The following EPB41L4B variants were observed in gnomAD, a reference collection of about 807,000 sequenced individuals.
EPB41L4B encodes band 4.1-like protein 4B.
In EPB41L4B, 30 loss-of-function variants were observed where a neutral mutation model predicts 112.5. The observed-to-expected ratio is 0.27, with a 90% CI of 0.20 to 0.36. EPB41L4B has a LOEUF of 0.36. Among genes scored for constraint, EPB41L4B ranks in the 10% least tolerant of loss-of-function variants. The pLI is 1.00. For missense variants in EPB41L4B, 1,024 were observed against 1,133.3 expected (o/e 0.90, Z 1.38); for synonymous variants, 408 against 439.7 (o/e 0.93, Z 0.90).
intron 2 of EPB41L4B, among the ~76,000 whole-genome samples, chr9:109,276,092 T>G (rs1483839802): frequency 1.4e-5 from 2 of 147,880 alleles, no homozygotes; most frequent in African/African-American, 4.9e-5. Flanking sequence ...ACATATATAT[T>G]ATATATGTGT....
At chr9:109,319,310 G>A (rs1837750895) in intron 1 of EPB41L4B, among the ~76,000 whole-genome samples, 2 of 152,144 alleles carry the variant, frequency 1.3e-5, no homozygotes, top group South Asian at 4.1e-4. Flanking sequence ...GTGGGCGGGT[G>A]CCCGGGACGC....
chr9:109,310,251 C>A (rs1163671305), intron 1 of EPB41L4B, among the ~76,000 whole-genome samples: 2 of 151,308 alleles, frequency 1.3e-5, no homozygotes, highest in Admixed American at 1.3e-4. Context: ...ATACAGCTCA[C>A]AAACCTGCAA....
chr9:109,268,350 AG>A (rs1835482381), intron 3 of EPB41L4B, 40 bp downstream of exon 3: 2 of 1,584,626 alleles, frequency 1.3e-6, no homozygotes, highest in Admixed American at 3.5e-5. Context: ...GTTTACTCTC[AG>A]AAAAAAAATA....
chr9:109,240,555 A>T (rs1359945202), intron 15 of EPB41L4B: 1 of 985,286 alleles, frequency 1.0e-6, no homozygotes, highest in Non-Finnish European at 1.2e-6. Flanking sequence ...TATTAAGAGA[A>T]AAAAATGTTT....
chr9:109,244,788 A>G (rs975118171), intron 14 of EPB41L4B, among the ~76,000 whole-genome samples: 1 of 152,170 alleles, frequency 6.6e-6, no homozygotes, highest in Non-Finnish European at 1.5e-5. Context: ...TAAGGGGCAA[A>G]TTAGGCCCTC....
chr9:109,315,672 T>C (rs1837606815), intron 1 of EPB41L4B, among the ~76,000 whole-genome samples: 1 of 152,110 alleles, frequency 6.6e-6, no homozygotes, highest in Admixed American at 6.5e-5. Context: ...GTTTCTCCAA[T>C]GGGCCGGGGA....
intron 16 of EPB41L4B, among the ~76,000 whole-genome samples, chr9:109,214,555 A>G (rs1171062731): frequency 6.6e-6 from 1 of 152,208 alleles, no homozygotes; most frequent in Non-Finnish European, 1.5e-5. Context: ...GTTAGAGAAC[A>G]TTTCACTGAC....
intron 6 of EPB41L4B, among the ~76,000 whole-genome samples, chr9:109,258,716 C>T (rs1835075363): frequency 6.6e-6 from 1 of 152,104 alleles, no homozygotes; most frequent in Non-Finnish European, 1.5e-5. Flanking sequence ...GTCTGCAGTG[C>T]TGGAGAGGAT....
chr9:109,234,757 C>T (rs1834079557), intron 15 of EPB41L4B, among the ~76,000 whole-genome samples: 1 of 152,148 alleles, frequency 6.6e-6, no homozygotes, highest in South Asian at 2.1e-4. Flanking sequence ...ACTCAGGAGG[C>T]TGAAGTGAGA....
At chr9:109,317,644 C>A (rs1323876847) in intron 1 of EPB41L4B, among the ~76,000 whole-genome samples, 1 of 152,218 alleles carries the variant, frequency 6.6e-6, no homozygotes, top group East Asian at 1.9e-4. Flanking sequence ...CAAAGGAATT[C>A]TCAAGGCTAA....
chr9:109,250,586 G>A (rs1834748805), intron 13 of EPB41L4B, among the ~76,000 whole-genome samples: 1 of 152,174 alleles, frequency 6.6e-6, no homozygotes, highest in African/African-American at 2.4e-5. Flanking sequence ...CATAAGACAG[G>A]CAGTTGTTTC....
At chr9:109,200,960 T>C (rs755883877) in intron 19 of EPB41L4B, among the ~76,000 whole-genome samples, 10 of 152,314 alleles carry the variant, frequency 6.6e-5, no homozygotes, top group Non-Finnish European at 1.2e-4. Context: ...CTCAAAATAG[T>C]AATTTTAAGG....
chr9:109,216,588 C>T (rs1433635526), intron 16 of EPB41L4B, among the ~76,000 whole-genome samples: 1 of 150,004 alleles, frequency 6.7e-6, no homozygotes, highest in African/African-American at 2.5e-5. Context: ...GTGCAATGAG[C>T]CGAGATCATG....
rs904144473 is a variant in EPB41L4B, at chr9:109,321,003, C to G, written c.-557G>C. 9 of 184,364 alleles carry G rather than the reference C, an allele frequency of 4.9e-5. No individual in the cohort carries two copies. The highest frequency in any genetic ancestry group is 8.7e-5 in the Non-Finnish European group (8 of 91,954). The allele number at this position is 184,364 out of a possible 1,614,324, so 11.4% of individuals were successfully genotyped here. On this transcript the variant is annotated 5_prime_UTR_variant, in exon 1 of 26. Coordinates refer to ENST00000374566, the MANE Select transcript of EPB41L4B (RefSeq NM_019114.5). ...CCCGCCTCCCACCTGGGAGGCTGCACCTCCAGCCGCCGCCGCCGCCGCCGC... is the reference window on the plus strand; with the variant it reads ...CCCGCCTCCCACCTGGGAGGCTGCAGCTCCAGCCGCCGCCGCCGCCGCCGC...
chr9:109,222,087 C>T (rs1334090363), intron 15 of EPB41L4B, among the ~76,000 whole-genome samples: 1 of 151,884 alleles, frequency 6.6e-6, no homozygotes, highest in Non-Finnish European at 1.5e-5. Flanking sequence ...TCAAGGAAAC[C>T]CAGAGTAAAG....
At chr9:109,303,123 A>G (rs1167220186) in intron 1 of EPB41L4B, among the ~76,000 whole-genome samples, 1 of 151,880 alleles carries the variant, frequency 6.6e-6, no homozygotes, top group Admixed American at 6.6e-5. Context: ...AAAGGGGTAA[A>G]AAAAGGGTAT....
chr9:109,214,533 C>G (rs1441421189), intron 16 of EPB41L4B, among the ~76,000 whole-genome samples: 1 of 152,108 alleles, frequency 6.6e-6, no homozygotes, highest in Non-Finnish European at 1.5e-5. Context: ...CAGGACGGAA[C>G]TGAGGATGGG....
chr9:109,208,484 C>A (rs1284319202), intron 17 of EPB41L4B, among the ~76,000 whole-genome samples: 1 of 152,152 alleles, frequency 6.6e-6, no homozygotes, highest in Non-Finnish European at 1.5e-5. Context: ...GACAACAAAT[C>A]TTGCAGAAAA....
chr9:109,229,738 C>T lies in EPB41L4B; in HGVS notation c.1410-12593G>A, dbSNP rs1833895246. On this transcript the variant is annotated intron_variant, in intron 15 of 25. Transcript: ENST00000374566. The stretch of plus-strand genomic sequence containing the variant: ...TGACAAGGACCTCAGTAGAACTTTC[C>T]AACTGGTAAGCCTCAGAAGGGTTGC... Among the ~76,000 whole-genome samples, 7 of 152,150 alleles carry T rather than the reference C, an allele frequency of 4.6e-5. 1 individual carries two copies. The South Asian group carries it at 1.4e-3, about 31-fold the overall frequency.
Sources: allele counts gnomAD v4.1 joint callset (sites outside exome capture counted in the v4.1 genomes callset), GRCh38; gene constraint gnomAD v4.1.1; transcripts MANE v1.5; gene names NCBI Gene and HGNC (gene_info 2026-07-23, HGNC 2026-07-21).